Variants in RBFOX1 observed in about 807,000 individuals in gnomAD.
RBFOX1 encodes the protein RNA binding fox-1 homolog 1, also known as RNA binding protein fox-1 homolog 1.
Under a neutral mutation model 57.7 loss-of-function variants are expected in RBFOX1, and 8 were observed. That is an observed-to-expected ratio of 0.14 (90% CI 0.08 to 0.25). The LOEUF is 0.25. Among genes scored for constraint, RBFOX1 ranks in the 10% least tolerant of loss-of-function variants. RBFOX1 has a pLI of 1.00. For synonymous variants in RBFOX1, 326 were observed against 222.4 expected (o/e 1.47, Z -4.15); for missense variants, 611 against 548.5 (o/e 1.11, Z -1.14).
At chr16:7,610,520 C>A (rs1264328307) in intron 10 of RBFOX1, among the ~76,000 whole-genome samples, 3 of 152,096 alleles carry the variant, frequency 2.0e-5, no homozygotes, top group Non-Finnish European at 4.4e-5. Context: ...CCACCACCAC[C>A]ACCATATTCA....
At chr16:7,159,285 G>C (rs959106249) in intron 4 of RBFOX1, among the ~76,000 whole-genome samples, 2 of 147,168 alleles carry the variant, frequency 1.4e-5, no homozygotes, top group African/African-American at 5.1e-5. Context: ...GGCTGAGCAG[G>C]AGAGGGTGCC....
At chr16:6,844,427 A>C (rs1258033512) in intron 3 of RBFOX1, among the ~76,000 whole-genome samples, 1 of 152,096 alleles carries the variant, frequency 6.6e-6, no homozygotes, top group Non-Finnish European at 1.5e-5. Context: ...CCTACTACTT[A>C]TAAGTAAGAA....
At chr16:6,602,019 A>C (rs1359356230) in intron 2 of RBFOX1, among the ~76,000 whole-genome samples, 2 of 152,218 alleles carry the variant, frequency 1.3e-5, no homozygotes, top group African/African-American at 4.8e-5. Context: ...TGAAGTACCT[A>C]GAAGCAGCTT....
chr16:5,485,282 C>T (rs2069687986), intron 2 of RBFOX1, among the ~76,000 whole-genome samples: 1 of 135,802 alleles, frequency 7.4e-6, no homozygotes. Flanking sequence ...GGAGGCGGAG[C>T]TTGCAGTAAG....
intron 2 of RBFOX1, among the ~76,000 whole-genome samples, chr16:5,482,637 G>A (rs2069585060): frequency 1.3e-5 from 2 of 152,198 alleles, no homozygotes; most frequent in African/African-American, 4.8e-5. Context: ...GATTAGGAAG[G>A]AATGTCTTGA....
At chr16:5,640,501 T>C (rs1418171866) in intron 3 of RBFOX1, among the ~76,000 whole-genome samples, 2 of 150,132 alleles carry the variant, frequency 1.3e-5, no homozygotes, top group Admixed American at 6.6e-5. Context: ...ATGCACACCA[T>C]GCATATACAT....
intron 3 of RBFOX1, among the ~76,000 whole-genome samples, chr16:5,669,176 C>T (rs2049940845): frequency 6.6e-6 from 1 of 152,072 alleles, no homozygotes; most frequent in Non-Finnish European, 1.5e-5. Context: ...GTGACGGAAT[C>T]TGGATGCTCT....
At chr16:7,058,500 T>G (rs772380038) in intron 4 of RBFOX1, among the ~76,000 whole-genome samples, 1 of 152,222 alleles carries the variant, frequency 6.6e-6, no homozygotes, top group Non-Finnish European at 1.5e-5. Context: ...CTTGTACATG[T>G]TACTTCAATC....
chr16:7,694,355 C>G (rs1474337576), intron 14 of RBFOX1, among the ~76,000 whole-genome samples: 3 of 152,170 alleles, frequency 2.0e-5, no homozygotes, highest in African/African-American at 4.8e-5. Context: ...GCCAATGTTT[C>G]ACTCCCTATT....
chr16:7,199,336 C>A (rs1260342784), intron 4 of RBFOX1, among the ~76,000 whole-genome samples: 1 of 146,476 alleles, frequency 6.8e-6, no homozygotes, highest in Non-Finnish European at 1.5e-5. Flanking sequence ...GGTTTTTTTT[C>A]TGTTTTATCA....
chr16:7,436,753 G>C (rs1323109544), intron 4 of RBFOX1, among the ~76,000 whole-genome samples: 1 of 152,110 alleles, frequency 6.6e-6, no homozygotes, highest in African/African-American at 2.4e-5. Context: ...TCCTTGCTGA[G>C]ATTTTCTTAA....
At chr16:5,730,835 C>T (rs550219234) in intron 3 of RBFOX1, among the ~76,000 whole-genome samples, 5 of 152,140 alleles carry the variant, frequency 3.3e-5, no homozygotes, top group Non-Finnish European at 7.4e-5. Flanking sequence ...CCACCATTAT[C>T]ATCATCATTG....
At chr16:6,888,159 C>T (rs1296449815) in intron 3 of RBFOX1, among the ~76,000 whole-genome samples, 1 of 152,082 alleles carries the variant, frequency 6.6e-6, no homozygotes, top group African/African-American at 2.4e-5. Flanking sequence ...GAACAGTAGG[C>T]AGTAGTTGTG....
intron 1 of RBFOX1, among the ~76,000 whole-genome samples, chr16:5,375,570 GAA>G (rs778211427): frequency 2.6e-5 from 4 of 152,220 alleles, no homozygotes; most frequent in Non-Finnish European, 5.9e-5. Flanking sequence ...AATGGGGTAA[GAA>G]GAGTCCCACA....
At chr16:6,838,711 T>G (rs1276906466) in intron 3 of RBFOX1, among the ~76,000 whole-genome samples, 2 of 152,118 alleles carry the variant, frequency 1.3e-5, no homozygotes, top group African/African-American at 4.8e-5. Flanking sequence ...GTCTGGGGGC[T>G]TGCCCGTCCT....
chr16:6,108,102 A>G lies in RBFOX1; in HGVS notation c.-127+88110A>G, dbSNP rs188420142. On this transcript the variant is annotated intron_variant, in intron 1 of 15. Coordinates refer to ENST00000550418, the MANE Select transcript of RBFOX1 (RefSeq NM_018723.4). ...GAATCAAATATCAAATGAAGAGACC[A>G]ACATACATGTATTACTTCTTAAAAA... Among the ~76,000 whole-genome samples, 340 of 152,364 alleles carry G rather than the reference A, an allele frequency of 2.2e-3. 2 individuals carry two copies. Among genetic ancestry groups the G allele is most frequent in the African/African-American group, 7.7e-3 (320 of 41,590 alleles).
chr16:7,064,687 T>G (rs2055500593), intron 4 of RBFOX1, among the ~76,000 whole-genome samples: 1 of 152,176 alleles, frequency 6.6e-6, no homozygotes, highest in South Asian at 2.1e-4. Flanking sequence ...TTTGTTACGG[T>G]AGCCCTAGCA....
chr16:6,158,631 CAT>C (rs1245667596), intron 1 of RBFOX1, among the ~76,000 whole-genome samples: 1 of 152,132 alleles, frequency 6.6e-6, no homozygotes, highest in Non-Finnish European at 1.5e-5. Flanking sequence ...GACCACTGCA[CAT>C]GAGTTAGGCA....
At chr16:5,534,120 A>T (rs1456727008) in intron 2 of RBFOX1, among the ~76,000 whole-genome samples, 1 of 152,120 alleles carries the variant, frequency 6.6e-6, no homozygotes, top group East Asian at 1.9e-4. Flanking sequence ...CTCAATTCAC[A>T]GTCTGATTCA....
Sources: allele counts gnomAD v4.1 joint callset (sites outside exome capture counted in the v4.1 genomes callset), GRCh38; gene constraint gnomAD v4.1.1; transcripts MANE v1.5; gene names NCBI Gene and HGNC (gene_info 2026-07-23, HGNC 2026-07-21).